The following DDX59 variants were observed in gnomAD, a reference collection of about 807,000 sequenced individuals.
DDX59 encodes DEAD-box helicase 59, also known as probable ATP-dependent RNA helicase DDX59.
In DDX59, 30 loss-of-function variants were observed where a neutral mutation model predicts 51.9. That is an observed-to-expected ratio of 0.58 (90% CI 0.43 to 0.78). DDX59 has a LOEUF of 0.78. Ranked by LOEUF, DDX59 falls within the 30% of genes least tolerant of loss-of-function variation. DDX59 has a pLI of 0.00. For missense variants in DDX59, 672 were observed against 730.8 expected (o/e 0.92, Z 0.93); for synonymous variants, 255 against 253.3 (o/e 1.01, Z -0.06).
At chr1:200,666,798 T>C in intron 1 of DDX59, 47 bp from the exon 2 acceptor site, 2 of 1,540,450 alleles carry the variant, frequency 1.3e-6, no homozygotes, top group Non-Finnish European at 1.8e-6. Flanking sequence ...ATTAATAAAG[T>C]TCACATATAA....
chr1:200,644,971 C>T (rs1049319559), intron 7 of DDX59, among the ~76,000 whole-genome samples: 4 of 149,798 alleles, frequency 2.7e-5, no homozygotes, highest in African/African-American at 9.8e-5. Context: ...AATTATGCAT[C>T]TCAATATATC....
At chr1:200,651,970 T>C (rs1226564224) in intron 4 of DDX59, among the ~76,000 whole-genome samples, 2 of 134,636 alleles carry the variant, frequency 1.5e-5, no homozygotes, top group Non-Finnish European at 3.0e-5. Flanking sequence ...ATCGTGCCAG[T>C]GCACTCCAGC....
rs950639462 is a variant in DDX59 at position 200,650,590 on chromosome 1, A to G, written c.1149T>C (p.Val383=). The change falls in exon 5 of 8, where the codon GTT becomes GTC. Residue 383 remains valine, a synonymous_variant. Coordinates refer to ENST00000331314, the MANE Select transcript of DDX59 (RefSeq NM_001031725.6). ...CTATGCTAGTTGGAATTGTGGCTGAAACCAAAATGGTCTGACAATCATTAG... is the reference window on the plus strand; with the variant it reads ...CTATGCTAGTTGGAATTGTGGCTGAGACCAAAATGGTCTGACAATCATTAG... The part of the protein sequence containing the change: ...NIPNDCQTIL[V]SATIPTSIEQ... 1.9e-6 allele frequency: 3 copies of G among 1,614,060 alleles called. No individual in the cohort carries two copies. In the Admixed American group the frequency reaches 5.0e-5, roughly 27 times the overall value.
At chr1:200,643,630 G>A (rs568796265), downstream of DDX59, among the ~76,000 whole-genome samples, 4 of 152,182 alleles carry the variant, frequency 2.6e-5, no homozygotes, top group Non-Finnish European at 4.4e-5. Context: ...GCGACAGAGC[G>A]AGACTCTGTC....
At position 200,659,126 on chromosome 1, in the gene DDX59, A is replaced by G; in HGVS notation, c.973-10T>C. On this transcript the variant is annotated splice_polypyrimidine_tract_variant and intron_variant, in intron 3 of 7. Transcript: ENST00000331314. ...GGGTTGCTATGATAACCTAAATAAA[A>G]GAGAAAAAGCAAATTAAAAAAATCA... 1 of 1,601,712 alleles carries G rather than the reference A, an allele frequency of 6.2e-7. No individual in the cohort carries two copies. The highest frequency in any genetic ancestry group is 8.5e-7 in the Non-Finnish European group (1 of 1,172,618).
At position 200,645,344 on chromosome 1, in the gene DDX59, T is replaced by C. The variant is rs112968307; in HGVS notation, c.1597-827A>G. ...CCCAGGCTGGAGCGCAATGGTGCAA[T>C]GTCGGCTCACTGCAACCTCCGCCTC... On this transcript the variant is annotated intron_variant, in intron 7 of 7. Transcript: ENST00000331314. Among the ~76,000 whole-genome samples, 1,361 of 152,254 alleles carry C rather than the reference T, an allele frequency of 8.9e-3. 24 individuals carry two copies. Among genetic ancestry groups the C allele is most frequent in the African/African-American group, 0.031 (1,300 of 41,540 alleles).
At chr1:200,658,197 G>A (rs1289809055) in intron 4 of DDX59, among the ~76,000 whole-genome samples, 1 of 152,240 alleles carries the variant, frequency 6.6e-6, no homozygotes, top group Non-Finnish European at 1.5e-5. Flanking sequence ...GTGGGAAGAT[G>A]CATGTGCCCC....
At chr1:200,660,904 T>C (rs1201566037) in intron 3 of DDX59, among the ~76,000 whole-genome samples, 1 of 152,166 alleles carries the variant, frequency 6.6e-6, no homozygotes, top group African/African-American at 2.4e-5. Flanking sequence ...CTGGAACCAA[T>C]CCCTGGCAGA....
chr1:200,659,237 G>C (rs1662228194), intron 3 of DDX59, 121 bp from the exon 4 acceptor site: 1 of 692,610 alleles, frequency 1.4e-6, no homozygotes, highest in Non-Finnish European at 2.5e-6. Flanking sequence ...AGAATTCAGT[G>C]ATGAATAAGC....
intron 7 of DDX59, among the ~76,000 whole-genome samples, chr1:200,646,249 G>C (rs532929630): frequency 6.6e-6 from 1 of 151,938 alleles, no homozygotes; most frequent in Non-Finnish European, 1.5e-5. Flanking sequence ...TGGAAGAATC[G>C]CCTGAGTCCA....
chr1:200,669,653 G>C (rs1663037394), intron 1 of DDX59, 114 bp downstream of exon 1: 1 of 152,456 alleles, frequency 6.6e-6, no homozygotes, highest in Admixed American at 6.5e-5. Flanking sequence ...GAACTGTAAG[G>C]ATGGGAGGAA....
At chr1:200,664,179 C>A in intron 2 of DDX59, 93 bp from the exon 3 acceptor site, 1 of 1,399,670 alleles carries the variant, frequency 7.1e-7, no homozygotes, top group Non-Finnish European at 9.6e-7. Flanking sequence ...GAACATGGCC[C>A]CTTTAAAGTG....
intron 7 of DDX59, among the ~76,000 whole-genome samples, chr1:200,645,422 C>T (rs1003239317): frequency 3.3e-5 from 5 of 152,036 alleles, no homozygotes; most frequent in African/African-American, 9.7e-5. Flanking sequence ...GGATTACAGG[C>T]ACCCGCCACC....
At chr1:200,665,731 T>C (rs2102926749) in intron 2 of DDX59, among the ~76,000 whole-genome samples, 2 of 152,322 alleles carry the variant, frequency 1.3e-5, no homozygotes, top group Middle Eastern at 6.8e-3. Context: ...AAGAGATCTC[T>C]GGTTCAATAT....
chr1:200,665,914 T>C (rs745916953), intron 2 of DDX59, 23 bp downstream of exon 2: 5 of 1,553,304 alleles, frequency 3.2e-6, no homozygotes, highest in Admixed American at 4.1e-5. Context: ...ATAATACATG[T>C]GAACTCTATT....
In DDX59 at chr1:200,666,270, C is replaced by A. The variant is rs190172329; in HGVS notation, c.471G>T (p.Glu157Asp). 10 of 1,614,220 alleles carry A rather than the reference C, an allele frequency of 6.2e-6. No individual in the cohort carries two copies. In the African/African-American group the frequency reaches 1.2e-4, roughly 19 times the overall value. ...KLSNPQKADS[E>D]PESPLNASYV... ...AGGAAGCATTCAGTGGAGACTCTGG[C>A]TCAGAATCAGCCTTCTGTGGATTGC... is the stretch of plus-strand genomic sequence containing the variant. The change falls in exon 2 of 8, where the codon GAG becomes GAT. Residue 157 changes from glutamate to aspartate, a missense_variant. By Grantham distance (45) the Glu-to-Asp change is conservative (BLOSUM62 2). Coordinates refer to ENST00000331314, the MANE Select transcript of DDX59 (RefSeq NM_001031725.6).
intron 4 of DDX59, among the ~76,000 whole-genome samples, chr1:200,656,732 TG>T (rs1186311273): frequency 6.6e-6 from 1 of 151,992 alleles, no homozygotes; most frequent in Non-Finnish European, 1.5e-5. Context: ...GCCTTGTTAG[TG>T]GAAGAAAATG....
At chr1:200,665,546 G>A (rs1046708675) in intron 2 of DDX59, among the ~76,000 whole-genome samples, 1 of 151,454 alleles carries the variant, frequency 6.6e-6, no homozygotes, top group Non-Finnish European at 1.5e-5. Context: ...TCCAACTTCA[G>A]TATAAATCAG....
rs1382010331 is a variant in DDX59 at position 200,664,057 on chromosome 1, T to C, written c.834A>G (p.Thr278=). The part of the protein sequence containing the change: ...ESKTPSALIL[T]PTRELAIQIE... ...TCTGAATGGCTAACTCTCTGGTTGGTGTAAGAATGAGCGCAGATGGAGTTT... is the reference window on the plus strand; with the variant it reads ...TCTGAATGGCTAACTCTCTGGTTGGCGTAAGAATGAGCGCAGATGGAGTTT... Residue 278 remains threonine, a synonymous_variant, in exon 3 of 8, where the codon ACA becomes ACG. Coordinates refer to ENST00000331314, the MANE Select transcript of DDX59 (RefSeq NM_001031725.6). 2.5e-6 allele frequency: 4 copies of C among 1,613,636 alleles called. No homozygotes were observed. Among genetic ancestry groups the C allele is most frequent in the Admixed American group, 1.7e-5 (1 of 59,842 alleles).
Sources: allele counts gnomAD v4.1 joint callset (sites outside exome capture counted in the v4.1 genomes callset), GRCh38; gene constraint gnomAD v4.1.1; transcripts MANE v1.5; gene names NCBI Gene and HGNC (gene_info 2026-07-23, HGNC 2026-07-21).